The following THSD7A variants were observed in gnomAD, a reference collection of about 807,000 sequenced individuals.
THSD7A encodes the protein thrombospondin type-1 domain-containing protein 7A.
A neutral mutation model predicts 231.3 loss-of-function variants in THSD7A; 96 were observed. The ratio of observed to expected loss-of-function variants is 0.41; its 90% CI spans 0.35 to 0.49. The LOEUF is 0.49. THSD7A is among the 20% of genes least tolerant of loss of function. THSD7A has a pLI of 0.05. For synonymous variants in THSD7A, 940 were observed against 743.3 expected, an observed-to-expected ratio of 1.26 and a Z score of -4.30; for missense variants, 2,290 against 2,070.2, an observed-to-expected ratio of 1.11 and a Z score of -2.06.
intron 11 of THSD7A, among the ~76,000 whole-genome samples, chr7:11,447,892 A>T (rs1266257171): frequency 1.3e-5 from 2 of 152,138 alleles, no homozygotes; most frequent in East Asian, 3.9e-4. Context: ...GAAGTGTTTT[A>T]GTGGCAGAAA....
intron 10 of THSD7A, among the ~76,000 whole-genome samples, chr7:11,461,547 C>G (rs760766483): frequency 6.6e-6 from 1 of 152,044 alleles, no homozygotes; most frequent in Non-Finnish European, 1.5e-5. Flanking sequence ...CACAAATGAA[C>G]AGAACAGCCA....
chr7:11,394,836 T>A (rs759249032), intron 23 of THSD7A, among the ~76,000 whole-genome samples: 74 of 151,930 alleles, frequency 4.9e-4, no homozygotes, highest in African/African-American at 1.7e-3. Flanking sequence ...TCGGCCAGGG[T>A]CTGTGGGACA....
At chr7:11,664,864 C>G (rs901691343) in intron 1 of THSD7A, among the ~76,000 whole-genome samples, 1 of 151,902 alleles carries the variant, frequency 6.6e-6, no homozygotes, top group African/African-American at 2.4e-5. Flanking sequence ...TTTTGTTTTT[C>G]CTTATCTTCT....
intron 1 of THSD7A, among the ~76,000 whole-genome samples, chr7:11,716,687 T>C (rs906622361): frequency 6.6e-6 from 1 of 151,572 alleles, no homozygotes; most frequent in African/African-American, 2.4e-5. Context: ...TTGCCATTCA[T>C]CTATATCACC....
intron 1 of THSD7A, among the ~76,000 whole-genome samples, chr7:11,758,517 A>C (rs1278072782): frequency 1.3e-5 from 2 of 152,030 alleles, no homozygotes; most frequent in Admixed American, 6.6e-5. Context: ...AAAAGTTACG[A>C]GTGTACTGAA....
At chr7:11,385,772 G>T (rs887844411) in intron 23 of THSD7A, 1 of 151,882 alleles carries the variant, frequency 6.6e-6, no homozygotes, top group East Asian at 1.9e-4. Context: ...AGTAACTGGG[G>T]GTTTGTTACA....
At chr7:11,394,664 C>T (rs1184207667) in intron 23 of THSD7A, among the ~76,000 whole-genome samples, 13 of 152,160 alleles carry the variant, frequency 8.5e-5, no homozygotes, top group Admixed American at 8.5e-4. Flanking sequence ...TGTTAGTTAC[C>T]CACAGATTGT....
At position 11,401,508 on chromosome 7, in the gene THSD7A, C is replaced by T. The variant is rs554511839; in HGVS notation, c.4411+287G>A. On this transcript the variant is annotated intron_variant, in intron 23 of 27. Transcript: ENST00000423059. ...CTCGGCTCACTGCAGTCTCTGGCCTCCCGGGATCAAGTGATTCTCCTGCCT... is the reference window on the plus strand; with the variant it reads ...CTCGGCTCACTGCAGTCTCTGGCCTTCCGGGATCAAGTGATTCTCCTGCCT... Among the ~76,000 whole-genome samples, 12 of 152,242 alleles carry T rather than the reference C, an allele frequency of 7.9e-5. No individual in the cohort carries two copies. In the South Asian group the frequency reaches 2.3e-3, roughly 29 times the overall value.
intron 6 of THSD7A, among the ~76,000 whole-genome samples, chr7:11,538,652 T>G (rs920878245): frequency 1.1e-4 from 17 of 152,308 alleles, no homozygotes; most frequent in African/African-American, 3.8e-4. Flanking sequence ...GATCATGAAG[T>G]AATGAGCAAT....
intron 6 of THSD7A, among the ~76,000 whole-genome samples, chr7:11,499,054 C>A (rs927942756): frequency 1.3e-5 from 2 of 152,188 alleles, no homozygotes; most frequent in Middle Eastern, 3.2e-3. Context: ...AGCCTCTCTG[C>A]CACTGCCTCT....
intron 2 of THSD7A, among the ~76,000 whole-genome samples, chr7:11,631,489 C>T (rs933488334): frequency 1.3e-5 from 2 of 152,018 alleles, no homozygotes; most frequent in Admixed American, 1.3e-4. Context: ...GTTTTATCTG[C>T]AATTCTGGAA....
At chr7:11,744,908 TG>T (rs1782234658) in intron 1 of THSD7A, among the ~76,000 whole-genome samples, 1 of 152,124 alleles carries the variant, frequency 6.6e-6, no homozygotes, top group Non-Finnish European at 1.5e-5. Flanking sequence ...AGCACACATG[TG>T]CATGTGTCTT....
chr7:11,477,298 A>G (rs1290983307), intron 7 of THSD7A, among the ~76,000 whole-genome samples: 5 of 152,138 alleles, frequency 3.3e-5, no homozygotes, highest in Admixed American at 2.6e-4. Context: ...TTCCAATTAG[A>G]GTTTATCTGA....
intron 1 of THSD7A, among the ~76,000 whole-genome samples, chr7:11,726,033 T>C (rs1781533711): frequency 6.6e-6 from 1 of 151,956 alleles, no homozygotes; most frequent in Admixed American, 6.6e-5. Flanking sequence ...TATCAAACAG[T>C]TTTATCACAT....
intron 1 of THSD7A, among the ~76,000 whole-genome samples, chr7:11,706,379 G>C (rs1472267821): frequency 6.7e-6 from 1 of 150,192 alleles, no homozygotes; most frequent in Non-Finnish European, 1.5e-5. Flanking sequence ...ATTTGCAAGT[G>C]GCAAAAAAAC....
intron 1 of THSD7A, chr7:11,821,076 C>A (rs1443040402): frequency 7.2e-5 from 71 of 985,260 alleles, no homozygotes; most frequent in Non-Finnish European, 1.1e-4. Flanking sequence ...GAAAGTACTG[C>A]GGGAAATGTC....
intron 26 of THSD7A, 85 bp from the exon 27 acceptor site, chr7:11,376,742 A>ATC: frequency 3.2e-6 from 3 of 948,464 alleles, no homozygotes; most frequent in South Asian, 3.8e-5. Flanking sequence ...GATCAGTCAT[A>ATC]TATGACCAAT....
At chr7:11,778,224 T>G (rs1783500333) in intron 1 of THSD7A, among the ~76,000 whole-genome samples, 1 of 148,694 alleles carries the variant, frequency 6.7e-6, no homozygotes, top group African/African-American at 2.5e-5. Flanking sequence ...ATTTGGGGTG[T>G]CAGGTTCTAT....
intron 6 of THSD7A, among the ~76,000 whole-genome samples, chr7:11,541,204 T>C (rs975669686): frequency 6.6e-6 from 1 of 152,200 alleles, no homozygotes; most frequent in Non-Finnish European, 1.5e-5. Flanking sequence ...TAACATTATT[T>C]TGTTACTATT....
Sources: gnomAD v4.1 joint callset for allele counts (sites outside exome capture counted in the v4.1 genomes callset) on GRCh38, gnomAD v4.1.1 for gene constraint, MANE v1.5 for transcripts, NCBI Gene and HGNC (gene_info 2026-07-23, HGNC 2026-07-21) for gene names.